TRPS1: variants seen among roughly 807,000 people sequenced by gnomAD.
TRPS1 encodes transcriptional repressor GATA binding 1.
Under a neutral mutation model 101.2 loss-of-function variants are expected in TRPS1, and 6 were observed. The ratio of observed to expected loss-of-function variants is 0.06; its 90% CI spans 0.03 to 0.12. The LOEUF (loss-of-function observed/expected upper bound fraction) is 0.12, where lower values mean the gene tolerates loss of function less well. TRPS1 is among the 10% of genes least tolerant of loss of function. The pLI is 1.00. For missense variants in TRPS1, 1,363 were observed against 1,567.0 expected (o/e 0.87, Z 2.20); for synonymous variants, 578 against 589.8 (o/e 0.98, Z 0.29).
At chr8:115,621,018 TCAAC>T (rs895905776) in intron 2 of TRPS1, among the ~76,000 whole-genome samples, 2 of 152,192 alleles carry the variant, frequency 1.3e-5, no homozygotes, top group African/African-American at 4.8e-5. Context: ...ACACATTAGC[TCAAC>T]CATGTCTCTC....
intron 5 of TRPS1, among the ~76,000 whole-genome samples, chr8:115,443,620 G>A: frequency 6.6e-6 from 1 of 152,188 alleles, no homozygotes. Context: ...CTAGCCATGT[G>A]ACCTTGGGCA....
At chr8:115,438,960 G>C (rs934031375) in intron 5 of TRPS1, among the ~76,000 whole-genome samples, 6 of 152,154 alleles carry the variant, frequency 3.9e-5, no homozygotes, top group African/African-American at 9.7e-5. Flanking sequence ...CGAGGACCTT[G>C]CTGGCTTCAG....
intron 5 of TRPS1, among the ~76,000 whole-genome samples, chr8:115,459,058 C>A (rs954119072): frequency 6.6e-6 from 1 of 152,090 alleles, no homozygotes; most frequent in African/African-American, 2.4e-5. Context: ...CTTTTCTTAG[C>A]CAGGCGTGGT....
chr8:115,498,247 T>C (rs994095866), intron 5 of TRPS1, among the ~76,000 whole-genome samples: 1 of 151,404 alleles, frequency 6.6e-6, no homozygotes, highest in Admixed American at 6.6e-5. Flanking sequence ...GGCAAAGTGG[T>C]GTGCACCTGT....
chr8:115,478,619 C>T (rs1814665286), intron 5 of TRPS1, among the ~76,000 whole-genome samples: 1 of 151,944 alleles, frequency 6.6e-6, no homozygotes, highest in Non-Finnish European at 1.5e-5. Flanking sequence ...GCCCGGCCAA[C>T]ATGGTGAAAC....
chr8:115,645,540 C>T (rs772518727), intron 1 of TRPS1, among the ~76,000 whole-genome samples: 7 of 152,024 alleles, frequency 4.6e-5, no homozygotes, highest in African/African-American at 7.2e-5. Context: ...AAACAACCTA[C>T]TGAAAAATAA....
chr8:115,603,762 C>T, intron 4 of TRPS1, 111 bp downstream of exon 4: 2 of 1,307,264 alleles, frequency 1.5e-6, no homozygotes, highest in Non-Finnish European at 2.1e-6. Context: ...CCTATAACTT[C>T]CCCAAGTCAT....
intron 1 of TRPS1, among the ~76,000 whole-genome samples, chr8:115,653,325 T>C (rs1344717728): frequency 6.6e-6 from 1 of 152,146 alleles, no homozygotes; most frequent in African/African-American, 2.4e-5. Flanking sequence ...AATTTTGCTA[T>C]ATAGAGATAG....
intron 2 of TRPS1, among the ~76,000 whole-genome samples, chr8:115,620,594 G>C (rs1818373268): frequency 6.6e-6 from 1 of 152,182 alleles, no homozygotes; most frequent in South Asian, 2.1e-4. Flanking sequence ...TAACCGGGAT[G>C]TAAATATAGT....
chr8:115,586,712 T>C (rs1817567411), intron 5 of TRPS1, among the ~76,000 whole-genome samples: 6 of 152,220 alleles, frequency 3.9e-5, no homozygotes, highest in Admixed American at 3.9e-4. Flanking sequence ...TCTCCAAATA[T>C]GGCCTTGTTG....
intron 5 of TRPS1, among the ~76,000 whole-genome samples, chr8:115,424,543 C>T (rs1813143891): frequency 6.6e-6 from 1 of 152,170 alleles, no homozygotes; most frequent in South Asian, 2.1e-4. Flanking sequence ...GGAGCTAAAG[C>T]AACACAAACA....
intron 1 of TRPS1, among the ~76,000 whole-genome samples, chr8:115,654,894 A>C (rs1452655891): frequency 6.6e-6 from 1 of 152,156 alleles, no homozygotes; most frequent in Non-Finnish European, 1.5e-5. Flanking sequence ...TCAATTTCTC[A>C]CTGCATCCTA....
intron 5 of TRPS1, among the ~76,000 whole-genome samples, chr8:115,434,109 C>G (rs1490717760): frequency 0.056 from 7 of 126 alleles, no homozygotes; most frequent in Non-Finnish European, 0.12. Flanking sequence ...GATATCCATT[C>G]AGACTACCTT....
chr8:115,414,617 G>A lies in TRPS1; in HGVS notation c.3291C>T (p.Gly1097=). 6.2e-7 allele frequency: 1 copy of A among 1,614,036 alleles called. No individual in the cohort carries two copies. Among genetic ancestry groups the A allele is most frequent in the Non-Finnish European group, 8.5e-7 (1 of 1,179,966 alleles). ...PAKHPNYSPP[G]SPIEKYQYPL... is the part of the protein sequence containing the mutation. The stretch of plus-strand genomic sequence containing the variant: ...GGTACTGGTACTTTTCAATAGGGCT[G>A]CCTGGTGGTGAATAATTTGGGTGTT... Residue 1097 remains glycine (G), a synonymous_variant, in exon 7 of 7, where the codon GGC becomes GGT. Coordinates refer to ENST00000395715, the MANE Select transcript of TRPS1 (RefSeq NM_014112.5). This position sits in a 1 kb window ranked among gnomAD's most constrained non-coding sequence, Gnocchi z 4.8.
chr8:115,657,230 G>A (rs929935106), intron 1 of TRPS1, among the ~76,000 whole-genome samples: 1 of 152,018 alleles, frequency 6.6e-6, no homozygotes. Flanking sequence ...AGACATGAAA[G>A]ATAGAACTAA....
intron 5 of TRPS1, among the ~76,000 whole-genome samples, chr8:115,466,072 C>T (rs944457340): frequency 1.3e-5 from 2 of 152,022 alleles, no homozygotes; most frequent in African/African-American, 2.4e-5. Flanking sequence ...AAACCATAAA[C>T]GTTCTATATA....
intron 5 of TRPS1, among the ~76,000 whole-genome samples, chr8:115,481,408 C>A (rs1269415595): frequency 2.6e-5 from 4 of 151,460 alleles, no homozygotes; most frequent in African/African-American, 9.8e-5. Context: ...CCCCCCCCCA[C>A]TCTTCTGCAA....
chr8:115,588,225 AAAAG>A lies in TRPS1; in HGVS notation c.2097-625_2097-622del, dbSNP rs150298132. On this transcript the variant is annotated intron_variant, in intron 4 of 6. Transcript: ENST00000395715. ...TTATCAAATTATTAAATGATTTTAA[AAAAG>A]AAATAAAGTGTTCTTTTCTATCATC... Among the ~76,000 whole-genome samples the A allele has an allele frequency of 2.9e-4, 44 of 152,342 alleles. 1 individual carries two copies. The East Asian group carries it at 7.9e-3, about 27-fold the overall frequency.
intron 5 of TRPS1, among the ~76,000 whole-genome samples, chr8:115,573,628 A>G (rs1210352408): frequency 6.6e-6 from 1 of 152,164 alleles, no homozygotes; most frequent in African/African-American, 2.4e-5. Flanking sequence ...TAAGATGGTC[A>G]TATTAACCCT....
Sources: allele counts gnomAD v4.1 joint callset (sites outside exome capture counted in the v4.1 genomes callset), GRCh38; gene constraint gnomAD v4.1.1; non-coding constraint Gnocchi (gnomAD v3.1); transcripts MANE v1.5; gene names NCBI Gene and HGNC (gene_info 2026-07-23, HGNC 2026-07-21).